TRPM3: variants seen among roughly 807,000 people sequenced by gnomAD.
TRPM3 encodes the protein long transient receptor potential channel 3.
TRPM3 carries 77 observed loss-of-function variants against 181.2 expected under a neutral mutation model. That is an observed-to-expected ratio of 0.42 (90% confidence interval 0.35 to 0.51). The LOEUF (loss-of-function observed/expected upper bound fraction) is 0.51, where lower values mean the gene tolerates loss of function less well. Ranked by LOEUF, TRPM3 falls within the 20% of genes least tolerant of loss-of-function variation. TRPM3 has a pLI of 0.01. For missense variants in TRPM3, 1,759 were observed against 2,196.7 expected (o/e 0.80, Z 3.98); for synonymous variants, 745 against 796.4 (o/e 0.94, Z 1.09).
intron 1 of TRPM3, among the ~76,000 whole-genome samples, chr9:71,254,200 G>A (rs1013253013): frequency 3.9e-5 from 6 of 152,190 alleles, no homozygotes; most frequent in African/African-American, 1.2e-4. Context: ...TTACAGGCAA[G>A]AGCCACTGCG....
intron 1 of TRPM3, among the ~76,000 whole-genome samples, chr9:71,100,779 G>T (rs1300108721): frequency 2.0e-5 from 3 of 152,034 alleles, no homozygotes; most frequent in African/African-American, 7.2e-5. Flanking sequence ...CTTCCCATTA[G>T]ACTTCTCCTT....
At chr9:70,960,577 G>T (rs1339634307) in intron 1 of TRPM3, among the ~76,000 whole-genome samples, 1 of 152,134 alleles carries the variant, frequency 6.6e-6, no homozygotes, top group South Asian at 2.1e-4. Flanking sequence ...CGATGTTGTA[G>T]CAGGAATACT....
rs1013434624 is a variant in TRPM3, at chr9:70,923,205, C to T, written c.178-58694G>A. 6.6e-5 allele frequency among the ~76,000 whole-genome samples: 10 copies of T among 152,124 alleles called. No individual in the cohort carries two copies. In the East Asian group the frequency reaches 9.6e-4, roughly 15 times the overall value. Reference sequence around the variant, plus strand: ...GCCTAAAAAACCTGAAAGCAAATGTCGCTTAAAATAACTGTGTGTTCATCT... The same window carrying T: ...GCCTAAAAAACCTGAAAGCAAATGTTGCTTAAAATAACTGTGTGTTCATCT... On this transcript the variant is annotated intron_variant, in intron 1 of 25. Transcript: ENST00000677713.
intron 1 of TRPM3, among the ~76,000 whole-genome samples, chr9:70,970,023 T>C (rs1375419401): frequency 1.3e-5 from 2 of 152,046 alleles, no homozygotes; most frequent in African/African-American, 4.8e-5. Context: ...AGAGGAATCA[T>C]AAGCAGCAGA....
chr9:70,892,031 C>A (rs2096211755), intron 1 of TRPM3, among the ~76,000 whole-genome samples: 1 of 152,084 alleles, frequency 6.6e-6, no homozygotes, highest in African/African-American at 2.4e-5. Context: ...GGGTGAATAC[C>A]TGGATAATAA....
chr9:71,441,227 C>A (rs1563935820), intron 1 of TRPM3, among the ~76,000 whole-genome samples: 1 of 148,698 alleles, frequency 6.7e-6, no homozygotes, highest in Admixed American at 6.7e-5. Context: ...AGAAAATGGT[C>A]TTTTTTTTTT....
chr9:70,637,966 C>T (rs1353144838), intron 11 of TRPM3, among the ~76,000 whole-genome samples: 1 of 151,970 alleles, frequency 6.6e-6, no homozygotes, highest in Non-Finnish European at 1.5e-5. Context: ...TGTAATGAAC[C>T]TGCACGTTCT....
chr9:70,583,101 A>G (rs186131533), intron 22 of TRPM3, among the ~76,000 whole-genome samples: 1 of 152,262 alleles, frequency 6.6e-6, no homozygotes, highest in East Asian at 1.9e-4. Context: ...AGAATCCAGA[A>G]ATAGCCCTTG....
At chr9:70,560,394 G>A (rs568174312) in intron 22 of TRPM3, among the ~76,000 whole-genome samples, 1 of 152,296 alleles carries the variant, frequency 6.6e-6, no homozygotes, top group South Asian at 2.1e-4. Flanking sequence ...ACATGGCCTT[G>A]CCAATGTAAT....
intron 1 of TRPM3, among the ~76,000 whole-genome samples, chr9:71,191,615 T>C (rs1190222299): frequency 1.3e-5 from 2 of 151,948 alleles, no homozygotes; most frequent in African/African-American, 4.8e-5. Flanking sequence ...TAAGCACTTC[T>C]GTACTAGACT....
chr9:71,365,799 C>A (rs2092316471), intron 1 of TRPM3, among the ~76,000 whole-genome samples: 1 of 152,040 alleles, frequency 6.6e-6, no homozygotes, highest in Non-Finnish European at 1.5e-5. Flanking sequence ...TATATAGCAC[C>A]TATTGTTCTA....
intron 1 of TRPM3, among the ~76,000 whole-genome samples, chr9:71,226,954 T>C (rs1399978361): frequency 6.6e-6 from 1 of 151,882 alleles, no homozygotes; most frequent in African/African-American, 2.4e-5. Flanking sequence ...TTCTTCTCAG[T>C]ACATAGATCA....
intron 8 of TRPM3, among the ~76,000 whole-genome samples, chr9:70,749,754 T>G (rs1486296133): frequency 6.6e-6 from 1 of 152,180 alleles, no homozygotes; most frequent in African/African-American, 2.4e-5. Flanking sequence ...TGGTATAAAG[T>G]TATTCGTGCT....
Position 70,700,626 on chromosome 9 carries a change from T to TA in TRPM3, c.1273-19049dup, listed in dbSNP as rs543003843. ...GAAAAGAAACGGATTTGGCAAAACT[T>TA]ATAGGCTGTCAACAGCTTTTTAGAC... On this transcript the variant is annotated intron_variant, in intron 8 of 25. Transcript: ENST00000677713. Among the ~76,000 whole-genome samples the TA allele has an allele frequency of 2.0e-4, 30 of 152,322 alleles. No individual in the cohort carries two copies. The East Asian group carries it at 5.2e-3, about 26-fold the overall frequency.
At position 71,304,575 on chromosome 9, in the gene TRPM3, C is replaced by T. The variant is rs554694924; in HGVS notation, c.183+142078G>A. Among the ~76,000 whole-genome samples, 28 of 152,194 alleles carry T rather than the reference C, an allele frequency of 1.8e-4. No individual in the cohort carries two copies. The South Asian group carries it at 5.8e-3, about 32-fold the overall frequency. On this transcript the variant is annotated intron_variant, in intron 1 of 24. Transcript: ENST00000357533. The stretch of plus-strand genomic sequence containing the variant: ...AAGTCAAGTTCCGTTTTAAATTAAG[C>T]CTAAATGAATTATTCTCAAATCTCT...
chr9:70,558,267 A>G (rs1429056896), intron 22 of TRPM3, among the ~76,000 whole-genome samples: 1 of 152,152 alleles, frequency 6.6e-6, no homozygotes, highest in Non-Finnish European at 1.5e-5. Flanking sequence ...ATAGTCATAA[A>G]AACCATGCGA....
chr9:71,011,045 A>G (rs957450311), intron 1 of TRPM3, among the ~76,000 whole-genome samples: 1 of 152,130 alleles, frequency 6.6e-6, no homozygotes, highest in Non-Finnish European at 1.5e-5. Context: ...ATTTTAAGTG[A>G]AATAAGCCAG....
At chr9:71,254,813 G>GT (rs1333531847) in intron 1 of TRPM3, among the ~76,000 whole-genome samples, 2 of 152,038 alleles carry the variant, frequency 1.3e-5, no homozygotes, top group Non-Finnish European at 2.9e-5. Flanking sequence ...TACAGAGGTG[G>GT]TAAGGGCAAG....
At chr9:71,205,277 C>G (rs536414553) in intron 1 of TRPM3, among the ~76,000 whole-genome samples, 1 of 151,938 alleles carries the variant, frequency 6.6e-6, no homozygotes, top group Non-Finnish European at 1.5e-5. Context: ...TTTCAAAGAT[C>G]GAGTGTTGAA....
Sources: allele counts gnomAD v4.1 joint callset (sites outside exome capture counted in the v4.1 genomes callset), GRCh38; gene constraint gnomAD v4.1.1; transcripts MANE v1.5; gene names NCBI Gene and HGNC (gene_info 2026-07-23, HGNC 2026-07-21).